Variants in CASZ1 observed in about 807,000 individuals in gnomAD.
CASZ1 encodes the protein castor zinc finger 1, also known as zinc finger protein castor homolog 1.
A neutral mutation model predicts 135.2 loss-of-function variants in CASZ1; 28 were observed. That is an observed-to-expected ratio of 0.21 (90% confidence interval 0.15 to 0.28). The LOEUF (loss-of-function observed/expected upper bound fraction) is 0.28, where lower values mean the gene tolerates loss of function less well. Ranked by LOEUF, CASZ1 falls within the 10% of genes least tolerant of loss-of-function variation. CASZ1 has a pLI of 1.00. For missense variants in CASZ1, 2,161 were observed against 2,453.3 expected (o/e 0.88, Z 2.52); for synonymous variants, 1,068 against 1,073.4 (o/e 0.99, Z 0.10).
At position 10,646,751 on chromosome 1, in the gene CASZ1, T is replaced by A. The variant is rs534258346; in HGVS notation, c.3498-425A>T. ...GTGGATGTGGCTGACAGACTGCAGA[T>A]GGGTGCTCGGCCCCACCAGGAAGCG... is the stretch of plus-strand genomic sequence containing the variant. On this transcript the variant is annotated intron_variant, in intron 16 of 20. Coordinates refer to ENST00000377022, the MANE Select transcript of CASZ1 (RefSeq NM_001079843.3). The surrounding 1 kb of genome is among the most constrained non-coding windows in gnomAD (Gnocchi z 6.4). Among the ~76,000 whole-genome samples, 68 of 152,314 alleles carry A rather than the reference T, an allele frequency of 4.5e-4. No homozygotes were observed. Among genetic ancestry groups the A allele is most frequent in the African/African-American group, 1.6e-3 (65 of 41,562 alleles).
At chr1:10,669,746 C>T (rs1416119475) in intron 4 of CASZ1, among the ~76,000 whole-genome samples, 1 of 147,326 alleles carries the variant, frequency 6.8e-6, no homozygotes, top group East Asian at 2.2e-4. Flanking sequence ...CTCAGAGTTG[C>T]TTGTCCTGCC....
At chr1:10,649,692 A>G in intron 13 of CASZ1, 2 of 465,640 alleles carry the variant, frequency 4.3e-6, no homozygotes, top group Non-Finnish European at 7.7e-6. Context: ...CGCGGGATCC[A>G]TCACTCAAGC....
rs1305495460 is a variant in CASZ1, at chr1:10,724,097, G to A, written c.-76-18553C>T. ...AGCTCTTTGACCACAGCACACTTTG[G>A]GAGAAGGTGGAAGAGTCCTCCCCAT... On this transcript the variant is annotated intron_variant, in intron 2 of 20. Transcript: ENST00000377022. The surrounding 1 kb of genome is among the most constrained non-coding windows in gnomAD (Gnocchi z 4.1). Among the ~76,000 whole-genome samples, 2 of 152,168 alleles carry A rather than the reference G, an allele frequency of 1.3e-5. No homozygotes were observed. Among genetic ancestry groups the A allele is most frequent in the Admixed American group, 1.3e-4 (2 of 15,274 alleles).
Position 10,639,112 on chromosome 1 carries a change from C to A in CASZ1, c.5110G>T (p.Glu1704Ter). Reference protein sequence around the residue: ...DEDDDEDDDDEDDDEDDDDED... With the variant: ...DEDDDEDDDD ...TCGTCGTCGTCCTCGTCGTCGTCCTCGTCGTCGTCGTCCTCGTCGTCGTCC... is the reference window on the plus strand; with the variant it reads ...TCGTCGTCGTCCTCGTCGTCGTCCTAGTCGTCGTCGTCCTCGTCGTCGTCC... The change falls in exon 21 of 21, where the codon GAG becomes TAG. Residue 1704 changes from glutamate to a stop codon, truncating the protein, a stop_gained. Coordinates refer to ENST00000377022, the MANE Select transcript of CASZ1 (RefSeq NM_001079843.3). LOFTEE classifies it high-confidence loss of function. The surrounding 1 kb of genome is among the most constrained non-coding windows in gnomAD (Gnocchi z 4.0). 8.7e-7 allele frequency: 1 copy of A among 1,153,422 alleles called. No homozygotes were observed. The highest frequency in any genetic ancestry group is 2.1e-5 in the South Asian group (1 of 47,898). 71.4% of individuals were successfully genotyped at this position (1,153,422 alleles called of 1,614,324 possible). A position where few individuals can be genotyped will look rare whatever the true frequency, so the allele number is the denominator to read the frequency against.
chr1:10,794,198 T>TGTGTGTGC lies in CASZ1; in HGVS notation c.-234+2365_-234+2366insGCACACAC, dbSNP rs1491477679. Among the ~76,000 whole-genome samples, 1 of 140,830 alleles carries TGTGTGTGC rather than the reference T, an allele frequency of 7.1e-6. No homozygotes were observed. 92.4% of individuals were successfully genotyped at this position (140,830 alleles called of 152,430 possible). On this transcript the variant is annotated intron_variant, in intron 1 of 20. Transcript: ENST00000377022. The surrounding 1 kb of genome is among the most constrained non-coding windows in gnomAD (Gnocchi z 5.6). ...ATGCGTGTGTGTGTGTGTGTGTGTG[T>TGTGTGTGC]GCGCGCGCGCGCGCGTCGTGGGTTG...
chr1:10,790,376 A>G (rs1017130353), intron 1 of CASZ1, among the ~76,000 whole-genome samples: 3 of 152,178 alleles, frequency 2.0e-5, no homozygotes, highest in Non-Finnish European at 2.9e-5. Context: ...TAAAATGTCT[A>G]TAAATTAAAT....
rs1639930542 is a variant in CASZ1 at position 10,741,950 on chromosome 1, C to A, written c.-77+18751G>T. On this transcript the variant is annotated intron_variant, in intron 2 of 20. Coordinates refer to ENST00000377022, the MANE Select transcript of CASZ1 (RefSeq NM_001079843.3). The surrounding 1 kb of genome is among the most constrained non-coding windows in gnomAD (Gnocchi z 5.0). Reference sequence around the variant, plus strand: ...CTATTCTGAGACCTAATGTGCCTAACCCAGCAAGCGCCGAGACACGGACCC... The same window carrying A: ...CTATTCTGAGACCTAATGTGCCTAAACCAGCAAGCGCCGAGACACGGACCC... Among the ~76,000 whole-genome samples the A allele has an allele frequency of 6.6e-6, 1 of 152,058 alleles. No homozygotes were observed. Among genetic ancestry groups the A allele is most frequent in the African/African-American group, 2.4e-5 (1 of 41,384 alleles).
At chr1:10,782,835 C>T (rs1276704897) in intron 1 of CASZ1, among the ~76,000 whole-genome samples, 4 of 152,154 alleles carry the variant, frequency 2.6e-5, no homozygotes, top group Admixed American at 6.5e-5. Flanking sequence ...GTGTGTGATA[C>T]GTGCAAACAG....
At position 10,656,800 on chromosome 1, in the gene CASZ1, C is replaced by A. The variant is rs1253984175; in HGVS notation, c.1410-64G>T. Reference sequence around the variant, plus strand: ...GTGACAGTCCCAGCCCCAGCCCCAGCCCCAGCCCCAGGGAGGACTCTTCGG... The same window carrying A: ...GTGACAGTCCCAGCCCCAGCCCCAGACCCAGCCCCAGGGAGGACTCTTCGG... On this transcript the variant is annotated intron_variant, in intron 7 of 20. Coordinates refer to ENST00000377022, the MANE Select transcript of CASZ1 (RefSeq NM_001079843.3). 15 of 1,093,860 alleles carry A rather than the reference C, an allele frequency of 1.4e-5. No homozygotes were observed. In the East Asian group the frequency reaches 3.3e-4, roughly 24 times the overall value. 67.8% of individuals were successfully genotyped at this position (1,093,860 alleles called of 1,614,324 possible).
chr1:10,691,647 G>A (rs1239767795), intron 4 of CASZ1, among the ~76,000 whole-genome samples: 4 of 152,224 alleles, frequency 2.6e-5, no homozygotes, highest in Admixed American at 2.6e-4. Context: ...GAGGCCCATG[G>A]CCCCAGCTGT....
At position 10,720,195 on chromosome 1, in the gene CASZ1, C is replaced by T. The variant is rs888680139; in HGVS notation, c.-76-14651G>A. Among the ~76,000 whole-genome samples the T allele has an allele frequency of 1.3e-5, 2 of 152,164 alleles. No individual in the cohort carries two copies. The highest frequency in any genetic ancestry group is 6.5e-5 in the Admixed American group (1 of 15,276). On this transcript the variant is annotated intron_variant, in intron 2 of 20. Coordinates refer to ENST00000377022, the MANE Select transcript of CASZ1 (RefSeq NM_001079843.3). This position sits in a 1 kb window ranked among gnomAD's most constrained non-coding sequence, Gnocchi z 5.7. ...AAATGCACGCGATGATCGTGCCTGT[C>T]GCAGGGGGCTGTGGTGAGGGTTTGG... is the stretch of plus-strand genomic sequence containing the variant.
chr1:10,737,577 G>T (rs1639824608), intron 2 of CASZ1, among the ~76,000 whole-genome samples: 1 of 152,234 alleles, frequency 6.6e-6, no homozygotes, highest in Non-Finnish European at 1.5e-5. Context: ...TGAGATATCT[G>T]GGGGACCTCC....
At chr1:10,729,887 C>T (rs951224686) in intron 2 of CASZ1, among the ~76,000 whole-genome samples, 1 of 151,506 alleles carries the variant, frequency 6.6e-6, no homozygotes, top group Admixed American at 6.6e-5. Context: ...GCTATCTCAG[C>T]TCACTGCAAC....
Position 10,709,758 on chromosome 1 carries a change from G to A in CASZ1, c.-76-4214C>T, listed in dbSNP as rs991850958. Among the ~76,000 whole-genome samples the A allele has an allele frequency of 4.6e-5, 7 of 152,162 alleles. No individual in the cohort carries two copies. The highest frequency in any genetic ancestry group is 1.2e-4 in the African/African-American group (5 of 41,432). On this transcript the variant is annotated intron_variant, in intron 2 of 20. Transcript: ENST00000377022. This position sits in a 1 kb window ranked among gnomAD's most constrained non-coding sequence, Gnocchi z 5.1. ...CCCGGGCAGTGCCGCAGGGGGATGC[G>A]CACCAGGGGGATCCCATGGCATAAC...
At chr1:10,729,391 G>T (rs1411688967) in intron 2 of CASZ1, among the ~76,000 whole-genome samples, 1 of 145,612 alleles carries the variant, frequency 6.9e-6, no homozygotes, top group Non-Finnish European at 1.5e-5. Flanking sequence ...CCCTCTCCCC[G>T]GCCACCCCAT....
chr1:10,761,769 C>T (rs538308603), intron 1 of CASZ1, among the ~76,000 whole-genome samples: 2 of 152,200 alleles, frequency 1.3e-5, no homozygotes, highest in Admixed American at 6.5e-5. Context: ...ACACACAACC[C>T]GATCTCGGCG....
chr1:10,658,709 G>T, intron 6 of CASZ1, 133 bp from the exon 7 acceptor site: 1 of 755,350 alleles, frequency 1.3e-6, no homozygotes, highest in Non-Finnish European at 2.3e-6. Context: ...AGGCACCCAC[G>T]GTGGGACTGA....
In CASZ1 at chr1:10,676,455, C is replaced by T. The variant is rs1638227841; in HGVS notation, c.17-10884G>A. Among the ~76,000 whole-genome samples, 1 of 152,194 alleles carries T rather than the reference C, an allele frequency of 6.6e-6. No individual in the cohort carries two copies. Among genetic ancestry groups the T allele is most frequent in the Non-Finnish European group, 1.5e-5 (1 of 68,036 alleles). On this transcript the variant is annotated intron_variant, in intron 4 of 20. Coordinates refer to ENST00000377022, the MANE Select transcript of CASZ1 (RefSeq NM_001079843.3). This position sits in a 1 kb window ranked among gnomAD's most constrained non-coding sequence, Gnocchi z 4.5. ...TTCAACAGAACATCCCCAATGCAGGCTCTTCCCACCAGGACAAAGAAGACA... is the reference window on the plus strand; with the variant it reads ...TTCAACAGAACATCCCCAATGCAGGTTCTTCCCACCAGGACAAAGAAGACA...
Position 10,739,762 on chromosome 1 carries a change from C to T in CASZ1, c.-77+20939G>A, listed in dbSNP as rs1028993027. Among the ~76,000 whole-genome samples the T allele has an allele frequency of 3.9e-5, 6 of 152,310 alleles. No homozygotes were observed. The East Asian group carries it at 7.7e-4, about 20-fold the overall frequency. On this transcript the variant is annotated intron_variant, in intron 2 of 20. Coordinates refer to ENST00000377022, the MANE Select transcript of CASZ1 (RefSeq NM_001079843.3). The surrounding 1 kb of genome is among the most constrained non-coding windows in gnomAD (Gnocchi z 4.8). The stretch of plus-strand genomic sequence containing the variant: ...GCCCTCTCTTTGGGGTTCTGGTTCC[C>T]GATTAAACCTTGACCTCTCTAGCAC...
Sources: allele counts gnomAD v4.1 joint callset (sites outside exome capture counted in the v4.1 genomes callset), GRCh38; gene constraint gnomAD v4.1.1; non-coding constraint Gnocchi (gnomAD v3.1); transcripts MANE v1.5; gene names NCBI Gene and HGNC (gene_info 2026-07-23, HGNC 2026-07-21).